DDX55: variants seen among roughly 807,000 people sequenced by gnomAD.
The protein encoded by DDX55 is DEAD-box helicase 55, also known as ATP-dependent RNA helicase DDX55.
DDX55 carries 56 observed loss-of-function variants against 69.2 expected under a neutral mutation model. That is an observed-to-expected ratio of 0.81 (90% confidence interval 0.65 to 1.01). The LOEUF (loss-of-function observed/expected upper bound fraction) is 1.01. DDX55 is among the 50% of genes least tolerant of loss of function. DDX55 has a pLI of 0.00. For missense variants in DDX55, 720 were observed against 745.1 expected, an observed-to-expected ratio of 0.97 and a Z score of 0.39; for synonymous variants, 268 against 273.1, an observed-to-expected ratio of 0.98 and a Z score of 0.18.
chr12:123,609,356 G>A (rs1487580015), intron 6 of DDX55, among the ~76,000 whole-genome samples: 2 of 148,692 alleles, frequency 1.3e-5, no homozygotes, highest in Non-Finnish European at 3.0e-5. Context: ...ATCTTAAAAT[G>A]CACTTTCCTT....
At chr12:123,618,534 G>T in intron 11 of DDX55, 135 bp from the exon 12 acceptor site, 1 of 1,533,354 alleles carries the variant, frequency 6.5e-7, no homozygotes, top group South Asian at 1.3e-5. Flanking sequence ...GAAATATTTG[G>T]GTTGGAGTTG....
chr12:123,602,694 C>A (rs1953643610), intron 1 of DDX55, among the ~76,000 whole-genome samples: 1 of 152,198 alleles, frequency 6.6e-6, no homozygotes, highest in Non-Finnish European at 1.5e-5. Context: ...AAGAATATTT[C>A]TTGAGGACCT....
rs1171675710 is a variant in DDX55, at chr12:123,620,587, T to TAC, written c.*448_*449insCA. The TAC allele has an allele frequency of 2.2e-5, 1 of 45,966 alleles. No individual in the cohort carries two copies. Among genetic ancestry groups the TAC allele is most frequent in the Admixed American group, 2.0e-4 (1 of 4,938 alleles). 2.8% of individuals were successfully genotyped at this position (45,966 alleles called of 1,614,324 possible). A position where few individuals can be genotyped will look rare whatever the true frequency, so the allele number is the denominator to read the frequency against. Reference sequence around the variant, plus strand: ...TATAGACATATGTACATATTATATATATATATATATATATATATATATATA... The same window carrying TAC: ...TATAGACATATGTACATATTATATATACATATATATATATATATATATATATA... On this transcript the variant is annotated 3_prime_UTR_variant, in exon 14 of 14. Transcript: ENST00000238146.
intron 8 of DDX55, among the ~76,000 whole-genome samples, chr12:123,613,462 C>T (rs1015987722): frequency 2.0e-5 from 3 of 152,176 alleles, no homozygotes; most frequent in African/African-American, 7.2e-5. Flanking sequence ...CAGTTTCTCA[C>T]ATGGGTTTCA....
chr12:123,602,303 C>T (rs1162741177), intron 1 of DDX55, 47 bp downstream of exon 1: 14 of 1,479,672 alleles, frequency 9.5e-6, no homozygotes, highest in Non-Finnish European at 1.3e-5. Context: ...GAGGGGCAGG[C>T]ACCCGCTGCA....
Position 123,620,625 on chromosome 12 carries a change from T to A in DDX55, c.*485T>A, listed in dbSNP as rs868413659. On this transcript the variant is annotated 3_prime_UTR_variant, in exon 14 of 14. Coordinates refer to ENST00000238146, the MANE Select transcript of DDX55 (RefSeq NM_020936.3). ...ATATATATATATATATATATATATA[T>A]ATAAGCTCTTTTTTCTGAGGCTATT... 101 of 120,676 alleles carry A rather than the reference T, an allele frequency of 8.4e-4. 2 individuals carry two copies. The highest frequency in any genetic ancestry group is 2.9e-3 in the African/African-American group (93 of 31,812). 7.5% of individuals were successfully genotyped at this position (120,676 alleles called of 1,614,324 possible). A position where few individuals can be genotyped will look rare whatever the true frequency, so the allele number is the denominator to read the frequency against.
intron 12 of DDX55, among the ~76,000 whole-genome samples, chr12:123,619,224 C>G (rs1438717959): frequency 1.3e-5 from 2 of 152,152 alleles, no homozygotes; most frequent in Non-Finnish European, 2.9e-5. Flanking sequence ...AGGATGGTCT[C>G]GATCTCCTGA....
At position 123,605,925 on chromosome 12, in the gene DDX55, C is replaced by T. The variant is rs746018478; in HGVS notation, c.109-6C>T. On this transcript the variant is annotated splice_polypyrimidine_tract_variant and splice_region_variant and intron_variant, in intron 1 of 13. Transcript: ENST00000238146. ...TTAACCAGTGCTTTGCAATCTCTCTCTTTAGTCCGCAACCATCCCTCTGTT... is the reference window on the plus strand; with the variant it reads ...TTAACCAGTGCTTTGCAATCTCTCTTTTTAGTCCGCAACCATCCCTCTGTT... The T allele has an allele frequency of 8.1e-6, 13 of 1,614,172 alleles. No homozygotes were observed. In the Admixed American group the frequency reaches 1.8e-4, roughly 23 times the overall value.
chr12:123,619,758 T>C (rs1218460574), intron 13 of DDX55, 34 bp downstream of exon 13: 1 of 1,544,896 alleles, frequency 6.5e-7, no homozygotes, highest in Non-Finnish European at 8.6e-7. Context: ...TAACTTAGAA[T>C]CTTGAACAAA....
rs543358240 is a variant in DDX55 at position 123,604,978 on chromosome 12, G to T, written c.109-953G>T. 3.3e-5 allele frequency: 5 copies of T among 152,258 alleles called. No homozygotes were observed. In the East Asian group the frequency reaches 9.6e-4, roughly 29 times the overall value. 9.4% of individuals were successfully genotyped at this position (152,258 alleles called of 1,614,324 possible). ...ATGTTTAACAACATCACTGGAATCT[G>T]TCCATCAGAGGACATCACCTCCCAA... On this transcript the variant is annotated intron_variant, in intron 1 of 13. Transcript: ENST00000238146.
At chr12:123,613,677 CT>C (rs1285098810) in intron 8 of DDX55, among the ~76,000 whole-genome samples, 3 of 152,252 alleles carry the variant, frequency 2.0e-5, no homozygotes, top group Non-Finnish European at 4.4e-5. Context: ...TCAGAAACCC[CT>C]CTGCCCTAGT....
chr12:123,603,501 C>G lies in DDX55; in HGVS notation c.108+1245C>G, dbSNP rs192408832. 6.0e-3 allele frequency among the ~76,000 whole-genome samples: 902 copies of G among 150,552 alleles called. 3 individuals are homozygous for G. The highest frequency in any genetic ancestry group is 0.017 in the Middle Eastern group (5 of 290). ...CCGCCTCCTGGGTTCAAGCAATTCT[C>G]TGCCTGAACCTCCCAAGTAGCTGAG... is the stretch of plus-strand genomic sequence containing the variant. On this transcript the variant is annotated intron_variant, in intron 1 of 13. Transcript: ENST00000238146.
At position 123,602,243 on chromosome 12, in the gene DDX55, T is replaced by A; in HGVS notation, c.95T>A (p.Met32Lys). The change falls in exon 1 of 14, where the codon ATG becomes AAG. Residue 32 changes from methionine (M) to lysine (K), a missense_variant. Physicochemically the swap from Met to Lys is moderately conservative, Grantham distance 95. Transcript: ENST00000238146. ...CTGCGGGAGCTGGGCTTCCCGTACA[T>A]GACGCCGGTGCAGGTATCGGTTCCC... The part of the protein sequence containing the change: ...GALRELGFPY[M>K]TPVQSATIPL... 2 of 1,565,524 alleles carry A rather than the reference T, an allele frequency of 1.3e-6. No homozygotes were observed. The highest frequency in any genetic ancestry group is 2.3e-5 in the South Asian group (2 of 85,662).
intron 6 of DDX55, among the ~76,000 whole-genome samples, chr12:123,609,193 C>A (rs2135704667): frequency 6.6e-6 from 1 of 152,136 alleles, no homozygotes; most frequent in Admixed American, 6.5e-5. Flanking sequence ...CTTAAGTGAT[C>A]CTCCTACCTA....
chr12:123,602,099 G>T lies in DDX55; in HGVS notation c.-50G>T. ...GGAAGCGGAAGTGCTCGTTGGGGGT[G>T]CACAAGGCGCGTTCGAGCAGCGGCG... On this transcript the variant is annotated 5_prime_UTR_variant, in exon 1 of 14. Transcript: ENST00000238146. 6.8e-7 allele frequency: 1 copy of T among 1,477,572 alleles called. No homozygotes were observed. The allele number at this position is 1,477,572 out of a possible 1,614,324, so 91.5% of individuals were successfully genotyped here. A position where few individuals can be genotyped will look rare whatever the true frequency, so the allele number is the denominator to read the frequency against.
At chr12:123,615,947 A>G (rs941207665) in intron 9 of DDX55, among the ~76,000 whole-genome samples, 1 of 152,060 alleles carries the variant, frequency 6.6e-6, no homozygotes, top group African/African-American at 2.4e-5. Context: ...GCGCCAGTGC[A>G]CTCCAGCCTG....
chr12:123,612,726 G>A (rs1208937496), intron 7 of DDX55, among the ~76,000 whole-genome samples: 1 of 151,476 alleles, frequency 6.6e-6, no homozygotes, highest in East Asian at 1.9e-4. Context: ...GCTCACGCCT[G>A]TAATCCCAGC....
Position 123,606,400 on chromosome 12 carries a change from C to G in DDX55, c.246+241C>G, listed in dbSNP as rs140095073. 6.6e-3 allele frequency among the ~76,000 whole-genome samples: 1,001 copies of G among 152,064 alleles called. 12 individuals carry two copies. The highest frequency in any genetic ancestry group is 0.022 in the African/African-American group (925 of 41,494). On this transcript the variant is annotated intron_variant, in intron 3 of 13. Coordinates refer to ENST00000238146, the MANE Select transcript of DDX55 (RefSeq NM_020936.3). ...ATGAATGAAACTTGAAAAAAAAAGA[C>G]AGTTAATCCTCATTATTTGTGGATT... is the stretch of plus-strand genomic sequence containing the variant.
Position 123,616,556 on chromosome 12 carries a change from T to A in DDX55, c.1002T>A (p.Ile334=), listed in dbSNP as rs1387500656. 1 of 1,614,018 alleles carries A rather than the reference T, an allele frequency of 6.2e-7. No individual in the cohort carries two copies. The highest frequency in any genetic ancestry group is 1.3e-5 in the African/African-American group (1 of 74,918). The change falls in exon 10 of 14, where the codon ATT becomes ATA. Residue 334 remains isoleucine, a synonymous_variant. Transcript: ENST00000238146. Reference sequence around the variant, plus strand: ...ATGTGATGGCCCGGGGAATTGATATTCCTGAAGTCAACTGGGTTTTGCAGT... The same window carrying A: ...ATGTGATGGCCCGGGGAATTGATATACCTGAAGTCAACTGGGTTTTGCAGT... ...CTDVMARGID[I]PEVNWVLQYD...
Sources: allele counts gnomAD v4.1 joint callset (sites outside exome capture counted in the v4.1 genomes callset), GRCh38; gene constraint gnomAD v4.1.1; transcripts MANE v1.5; gene names NCBI Gene and HGNC (gene_info 2026-07-23, HGNC 2026-07-21).